The following NKPD1 variants were observed in gnomAD, a reference collection of about 807,000 sequenced individuals.
The protein encoded by NKPD1 is NTPase KAP family P-loop domain-containing protein 1.
In NKPD1, 37 loss-of-function variants were observed where a neutral mutation model predicts 42.2. The ratio of observed to expected loss-of-function variants is 0.88; its 90% CI spans 0.67 to 1.15. The LOEUF (loss-of-function observed/expected upper bound fraction) is 1.15, where lower values mean the gene tolerates loss of function less well. NKPD1 is among the 50% of genes most tolerant of loss of function. The pLI is 0.00. For synonymous variants in NKPD1, 552 were observed against 536.5 expected, an observed-to-expected ratio of 1.03 and a Z score of -0.40; for missense variants, 1,113 against 1,174.6, an observed-to-expected ratio of 0.95 and a Z score of 0.77.
rs371155411 is a variant in NKPD1 at position 45,153,013 on chromosome 19, G to T, written c.1424C>A (p.Ala475Asp). 7 of 1,586,446 alleles carry T rather than the reference G, an allele frequency of 4.4e-6. No homozygotes were observed. Among genetic ancestry groups the T allele is most frequent in the Non-Finnish European group, 6.0e-6 (7 of 1,165,730 alleles). Residue 475 changes from alanine (A) to aspartate (D), a missense_variant, in exon 5 of 5, where the codon GCC (alanine) becomes GAC (aspartate). Around this residue, in one of 3 missense-constraint regions of NKPD1, gnomAD observed 867 missense variants for 870.1 expected, o/e 1.00. Coordinates refer to ENST00000686631, the MANE Select transcript of NKPD1 (RefSeq NM_198478.4). ...GCTGTCGGACAGCAGCGTGTTGATG[G>T]CGTTGAGCACGCCCACCACGCGCTC... ...YPERVVGVLN[A>D]INTLLSDSHA...
Position 45,153,617 on chromosome 19 carries a change from C to T in NKPD1, c.820G>A (p.Val274Met), listed in dbSNP as rs764604624. ...ITEVHLRRRN[V>M]QFLFIRFSAW... is the part of the protein sequence containing the mutation. ...CTAAAGCGGATGAAAAGGAACTGCA[C>T]GTTCCTGCGCCGCAGGTGCACCTCG... is the stretch of plus-strand genomic sequence containing the variant. Residue 274 changes from valine (V) to methionine (M), a missense_variant, in exon 5 of 5, where the codon GTG becomes ATG. This residue lies in a region of NKPD1 where 867 missense variants were observed against 870.1 expected (regional missense o/e 1.00). Transcript: ENST00000686631. 16 of 1,577,414 alleles carry T rather than the reference C, an allele frequency of 1.0e-5. No homozygotes were observed. In the Admixed American group the frequency reaches 2.3e-4, roughly 23 times the overall value.
intron 1 of NKPD1, among the ~76,000 whole-genome samples, chr19:45,160,584 G>A (rs972833656): frequency 1.1e-4 from 16 of 152,024 alleles, no homozygotes; most frequent in African/African-American, 3.4e-4. Context: ...AGGCTGGCAC[G>A]CTTTGGAAGG....
chr19:45,160,407 G>A (rs948294131), intron 1 of NKPD1, among the ~76,000 whole-genome samples, 186 bp from the exon 2 acceptor site: 3 of 152,132 alleles, frequency 2.0e-5, no homozygotes, highest in Non-Finnish European at 2.9e-5. Flanking sequence ...ACGGAGAACC[G>A]CTGGGGTTGG....
chr19:45,152,209 G>C lies in NKPD1; in HGVS notation c.2228C>G (p.Thr743Arg). Residue 743 changes from threonine (T) to arginine (R), a missense_variant, in exon 5 of 5, where the codon ACG becomes AGG. By Grantham distance (71) the Thr-to-Arg change is moderately conservative. Coordinates refer to ENST00000686631, the MANE Select transcript of NKPD1 (RefSeq NM_198478.4). ...VAEAQSLLRCTVNLDHSIRRR... is the reference protein window; with the variant it reads ...VAEAQSLLRCRVNLDHSIRRR... Reference sequence around the variant, plus strand: ...GCGGATGGAGTGGTCCAGGTTGACCGTGCAGCGCAGCAGGCTCTGCGCCTC... The same window carrying C: ...GCGGATGGAGTGGTCCAGGTTGACCCTGCAGCGCAGCAGGCTCTGCGCCTC... 6.3e-7 allele frequency: 1 copy of C among 1,599,882 alleles called. No homozygotes were observed. Among genetic ancestry groups the C allele is most frequent in the Non-Finnish European group, 8.5e-7 (1 of 1,174,580 alleles).
chr19:45,154,624 G>T (rs1968867273), intron 4 of NKPD1, among the ~76,000 whole-genome samples: 2 of 152,140 alleles, frequency 1.3e-5, no homozygotes, highest in African/African-American at 4.8e-5. Flanking sequence ...AAGGCTATTG[G>T]GCCTGCACCA....
rs1968794793 is a variant in NKPD1, at chr19:45,152,209, G to A, written c.2228C>T (p.Thr743Met). The A allele has an allele frequency of 1.9e-6, 3 of 1,599,882 alleles. No homozygotes were observed. Among genetic ancestry groups the A allele is most frequent in the Non-Finnish European group, 2.6e-6 (3 of 1,174,580 alleles). Residue 743 changes from threonine (T) to methionine (M), a missense_variant, in exon 5 of 5, where the codon ACG becomes ATG. By Grantham distance (81) the Thr-to-Met change is moderately conservative (BLOSUM62 -1). Coordinates refer to ENST00000686631, the MANE Select transcript of NKPD1 (RefSeq NM_198478.4). ...VAEAQSLLRCTVNLDHSIRRR... is the reference protein window; with the variant it reads ...VAEAQSLLRCMVNLDHSIRRR... ...GCGGATGGAGTGGTCCAGGTTGACCGTGCAGCGCAGCAGGCTCTGCGCCTC... is the reference window on the plus strand; with the variant it reads ...GCGGATGGAGTGGTCCAGGTTGACCATGCAGCGCAGCAGGCTCTGCGCCTC...
Position 45,160,236 on chromosome 19 carries a change from G to C in NKPD1, c.-71-15C>G. 1.3e-6 allele frequency: 1 copy of C among 787,182 alleles called. No homozygotes were observed. Among genetic ancestry groups the C allele is most frequent in the Non-Finnish European group, 1.9e-6 (1 of 535,102 alleles). The allele number at this position is 787,182 out of a possible 1,614,324, so 48.8% of individuals were successfully genotyped here. A position where few individuals can be genotyped will look rare whatever the true frequency, so the allele number is the denominator to read the frequency against. On this transcript the variant is annotated splice_polypyrimidine_tract_variant and intron_variant, in intron 1 of 4. Transcript: ENST00000686631. The stretch of plus-strand genomic sequence containing the variant: ...TGGCGTAGCCTCTGGGGCACGAACA[G>C]CAGAGAGCTGAGGTCAGGGTCCCTG...
At chr19:45,154,252 G>T (rs1293283738) in intron 4 of NKPD1, among the ~76,000 whole-genome samples, 1 of 152,188 alleles carries the variant, frequency 6.6e-6, no homozygotes. Context: ...TGACTTAACT[G>T]CTCCTCCTGC....
Position 45,153,557 on chromosome 19 carries a change from C to T in NKPD1, c.880G>A (p.Ala294Thr). ...WQYAGTDKLW[A>T]GLVTTLCEGI... ...TCGCACAACGTGGTCACCAGGCCGG[C>T]CCACAGCTTGTCGGTGCCCGCGTAC... The change falls in exon 5 of 5, where the codon GCC becomes ACC. Residue 294 changes from alanine (A) to threonine (T), a missense_variant. By Grantham distance (58) the Ala-to-Thr change is moderately conservative. Around this residue, in one of 3 missense-constraint regions of NKPD1, gnomAD observed 867 missense variants for 870.1 expected, o/e 1.00. Coordinates refer to ENST00000686631, the MANE Select transcript of NKPD1 (RefSeq NM_198478.4). 6.4e-7 allele frequency: 1 copy of T among 1,552,412 alleles called. No homozygotes were observed. The highest frequency in any genetic ancestry group is 8.7e-7 in the Non-Finnish European group (1 of 1,145,508).
chr19:45,152,354 G>A lies in NKPD1; in HGVS notation c.2083C>T (p.Arg695Cys). The change falls in exon 5 of 5, where the codon CGC becomes TGC. Residue 695 changes from arginine to cysteine, a missense_variant. Around this residue, in one of 3 missense-constraint regions of NKPD1, gnomAD observed 867 missense variants for 870.1 expected, o/e 1.00. Coordinates refer to ENST00000686631, the MANE Select transcript of NKPD1 (RefSeq NM_198478.4). ...EGRARLWDVFRDNSRELHTMT... is the reference protein window; with the variant it reads ...EGRARLWDVFCDNSRELHTMT... ...GTGTGCAGCTCGCGGCTGTTGTCGC[G>A]GAAAACGTCCCAGAGGCGCGCGCGG... 1 of 1,603,360 alleles carries A rather than the reference G, an allele frequency of 6.2e-7. No homozygotes were observed. Among genetic ancestry groups the A allele is most frequent in the Non-Finnish European group, 8.5e-7 (1 of 1,174,794 alleles).
rs2122777893 is a variant in NKPD1, at chr19:45,152,938, G to A, written c.1499C>T (p.Ala500Val). ...CATGTTGCCCGCGCTCTCTAGGCAC[G>A]CGGCCAGGATGCTGGGGTCCACGAC... ...ILVVDPSILA[A>V]CLESAGNMKG... Residue 500 changes from alanine to valine, a missense_variant, in exon 5 of 5, where the codon GCG becomes GTG. Around this residue, in one of 3 missense-constraint regions of NKPD1, gnomAD observed 867 missense variants for 870.1 expected, o/e 1.00. Coordinates refer to ENST00000686631, the MANE Select transcript of NKPD1 (RefSeq NM_198478.4). The A allele has an allele frequency of 6.3e-7, 1 of 1,581,682 alleles. No homozygotes were observed. The highest frequency in any genetic ancestry group is 8.6e-7 in the Non-Finnish European group (1 of 1,162,430).
At chr19:45,157,580 TTTTTA>T (rs1313681200) in intron 3 of NKPD1, among the ~76,000 whole-genome samples, 1 of 151,960 alleles carries the variant, frequency 6.6e-6, no homozygotes, top group Non-Finnish European at 1.5e-5. Flanking sequence ...CTGGGCTAAT[TTTTTA>T]TTTTATCTTT....
Position 45,153,576 on chromosome 19 carries a change from CG to C in NKPD1, c.860del (p.Ala287GlyfsTer11). The C allele has an allele frequency of 6.4e-7, 1 of 1,559,390 alleles. No individual in the cohort carries two copies. Among genetic ancestry groups the C allele is most frequent in the Non-Finnish European group, 8.7e-7 (1 of 1,149,256 alleles). ...LFIRFSAWQYAGTDKLWAGLV... is the reference protein window; with the variant it reads ...LFIRFSAWQYXGTDKLWAGLV... Reference sequence around the variant, plus strand: ...GGCCGGCCCACAGCTTGTCGGTGCCCGCGTACTGCCAGGCGCTAAAGCGGAT... The same window carrying C: ...GGCCGGCCCACAGCTTGTCGGTGCCCCGTACTGCCAGGCGCTAAAGCGGAT... On this transcript the variant is annotated frameshift_variant, in exon 5 of 5. Coordinates refer to ENST00000686631, the MANE Select transcript of NKPD1 (RefSeq NM_198478.4). LOFTEE classifies it high-confidence loss of function.
chr19:45,153,822 G>T, intron 4 of NKPD1, 47 bp from the exon 5 acceptor site: 1 of 1,408,156 alleles, frequency 7.1e-7, no homozygotes, highest in South Asian at 1.5e-5. Flanking sequence ...GACCCGCCGG[G>T]GTGGGCGGGG....
Position 45,151,669 on chromosome 19 carries a change from A to C in NKPD1, c.*269T>G. 1 of 423,238 alleles carries C rather than the reference A, an allele frequency of 2.4e-6. No homozygotes were observed. 26.2% of individuals were successfully genotyped at this position (423,238 alleles called of 1,614,324 possible). On this transcript the variant is annotated 3_prime_UTR_variant, in exon 5 of 5. Coordinates refer to ENST00000686631, the MANE Select transcript of NKPD1 (RefSeq NM_198478.4). ...GGTCCCTGGTCAGATCAGGATGCGG[A>C]GAGCAACTCCGGGCTCTCAACACCT...
chr19:45,153,792 C>T lies in NKPD1; in HGVS notation c.662-17G>A, dbSNP rs768671239. The T allele has an allele frequency of 1.4e-6, 2 of 1,430,954 alleles. No individual in the cohort carries two copies. The highest frequency in any genetic ancestry group is 3.0e-5 in the African/African-American group (2 of 67,696). 88.6% of individuals were successfully genotyped at this position (1,430,954 alleles called of 1,614,324 possible). ...GCATCAGCGCTGCGGGAAGGGAGCC[C>T]GGGAGCCGCGTGAGCCGCAGACCCG... On this transcript the variant is annotated splice_polypyrimidine_tract_variant and intron_variant, in intron 4 of 4. Coordinates refer to ENST00000686631, the MANE Select transcript of NKPD1 (RefSeq NM_198478.4).
intron 4 of NKPD1, 116 bp from the exon 5 acceptor site, chr19:45,153,891 G>A: frequency 1.8e-6 from 2 of 1,095,076 alleles, no homozygotes; most frequent in Middle Eastern, 3.2e-4. Context: ...GCAGAGGCGA[G>A]GGGCTGGAAG....
intron 2 of NKPD1, among the ~76,000 whole-genome samples, chr19:45,159,777 C>T (rs1287660204): frequency 2.0e-5 from 3 of 152,212 alleles, no homozygotes; most frequent in South Asian, 4.1e-4. Context: ...CTGCTCCCCT[C>T]CAGGCTGGAG....
At position 45,159,100 on chromosome 19, in the gene NKPD1, C is replaced by T; in HGVS notation, c.92G>A (p.Gly31Glu). The change falls in exon 3 of 5, where the codon GGA (glycine) becomes GAA (glutamate). Residue 31 changes from glycine to glutamate, a missense_variant and splice_region_variant. By Grantham distance (98) the Gly-to-Glu change is moderately conservative (BLOSUM62 -2). Coordinates refer to ENST00000686631, the MANE Select transcript of NKPD1 (RefSeq NM_198478.4). ...FWDPELGHRK[G>E]CCHQWRQDSA... ...GTCCTGGCGCCACTGATGACAGCATCCTGGAAGGAAGGAAGTGGGGGTGAC... is the reference window on the plus strand; with the variant it reads ...GTCCTGGCGCCACTGATGACAGCATTCTGGAAGGAAGGAAGTGGGGGTGAC... 7.8e-7 allele frequency: 1 copy of T among 1,278,364 alleles called. No individual in the cohort carries two copies. The highest frequency in any genetic ancestry group is 1.0e-6 in the Non-Finnish European group (1 of 982,262). The allele number at this position is 1,278,364 out of a possible 1,614,324, so 79.2% of individuals were successfully genotyped here.
Sources: gnomAD v4.1 joint callset for allele counts (sites outside exome capture counted in the v4.1 genomes callset) on GRCh38, gnomAD v4.1.1 for gene constraint, gnomAD v4.1.1 regional missense constraint, MANE v1.5 for transcripts, NCBI Gene and HGNC (gene_info 2026-07-23, HGNC 2026-07-21) for gene names.